Variants in DMRT1 observed in about 807,000 individuals in gnomAD.
The protein encoded by DMRT1 is doublesex and mab-3 related transcription factor 1, also known as doublesex- and mab-3-related transcription factor 1.
A neutral mutation model predicts 32.3 loss-of-function variants in DMRT1; 7 were observed. That is an observed-to-expected ratio of 0.22 (90% CI 0.12 to 0.41). DMRT1 has a LOEUF of 0.41. DMRT1 is among the 10% of genes least tolerant of loss of function. The pLI, the probability that DMRT1 is intolerant of heterozygous loss-of-function variation, is 1.00. For synonymous variants in DMRT1, 278 were observed against 206.1 expected, an observed-to-expected ratio of 1.35 and a Z score of -2.99; for missense variants, 625 against 500.5, an observed-to-expected ratio of 1.25 and a Z score of -2.37.
intron 4 of DMRT1, among the ~76,000 whole-genome samples, chr9:954,096 C>A (rs1342906341): frequency 6.6e-6 from 1 of 151,980 alleles, no homozygotes; most frequent in Non-Finnish European, 1.5e-5. Context: ...AGGCAGGGGA[C>A]CTTAGAGGTC....
intron 2 of DMRT1, among the ~76,000 whole-genome samples, chr9:869,953 T>G (rs1807422703): frequency 2.6e-5 from 4 of 152,194 alleles, no homozygotes; most frequent in African/African-American, 9.6e-5. Context: ...CCCCTGCGCG[T>G]GTATATGGTA....
chr9:896,102 C>T (rs535624226), intron 3 of DMRT1, among the ~76,000 whole-genome samples: 7 of 151,780 alleles, frequency 4.6e-5, no homozygotes, highest in South Asian at 2.1e-4. Flanking sequence ...CACTCCCAGC[C>T]GTAATTGAAA....
intron 3 of DMRT1, among the ~76,000 whole-genome samples, chr9:908,835 CT>C (rs1817872918): frequency 6.6e-6 from 1 of 152,106 alleles, no homozygotes; most frequent in Admixed American, 6.5e-5. Context: ...CCGTTTTCCC[CT>C]CCCACCTCTC....
At chr9:846,144 G>C (rs1468443461) in intron 1 of DMRT1, among the ~76,000 whole-genome samples, 2 of 150,546 alleles carry the variant, frequency 1.3e-5, no homozygotes, top group African/African-American at 4.9e-5. Context: ...CAATTCCCCT[G>C]CCTCAGCCTC....
At chr9:843,493 CAGGT>C (rs1163631187) in intron 1 of DMRT1, among the ~76,000 whole-genome samples, 1 of 152,178 alleles carries the variant, frequency 6.6e-6, no homozygotes. Context: ...AGAATATGCG[CAGGT>C]GGAAAAAAGC....
At chr9:941,673 A>G (rs912577210) in intron 4 of DMRT1, among the ~76,000 whole-genome samples, 1 of 152,194 alleles carries the variant, frequency 6.6e-6, no homozygotes, top group African/African-American at 2.4e-5. Context: ...TACACTTAAA[A>G]AATGGTTAGG....
chr9:904,492 A>G (rs1282407961), intron 3 of DMRT1, among the ~76,000 whole-genome samples: 1 of 152,220 alleles, frequency 6.6e-6, no homozygotes, highest in African/African-American at 2.4e-5. Flanking sequence ...AAAAAAGACT[A>G]GAGTTGCCAA....
intron 3 of DMRT1, among the ~76,000 whole-genome samples, chr9:896,888 G>T (rs117206059): frequency 0.031 from 4,731 of 152,048 alleles, 207 homozygotes; most frequent in East Asian, 0.14. Context: ...GACCCATTCT[G>T]TTCCATTTTG....
chr9:951,691 G>A (rs1457823594), intron 4 of DMRT1, among the ~76,000 whole-genome samples: 1 of 152,184 alleles, frequency 6.6e-6, no homozygotes, highest in African/African-American at 2.4e-5. Flanking sequence ...AACTGTTCTG[G>A]AGCAGATTGA....
chr9:862,782 G>T (rs1815777197), intron 2 of DMRT1, among the ~76,000 whole-genome samples: 1 of 152,270 alleles, frequency 6.6e-6, no homozygotes, highest in East Asian at 1.9e-4. Flanking sequence ...GGCTGCTACA[G>T]CGCAGCCAGC....
At chr9:885,589 A>C (rs1018609625) in intron 2 of DMRT1, among the ~76,000 whole-genome samples, 1 of 152,134 alleles carries the variant, frequency 6.6e-6, no homozygotes, top group Non-Finnish European at 1.5e-5. Context: ...TTCTTCCACC[A>C]ATCTACTCGT....
intron 2 of DMRT1, among the ~76,000 whole-genome samples, chr9:887,555 GCAGTCCAGC>G (rs1453184183): frequency 6.6e-6 from 1 of 152,174 alleles, no homozygotes; most frequent in African/African-American, 2.4e-5. Context: ...TGTGAACTCT[GCAGTCCAGC>G]CAGGCTCATC....
chr9:895,272 T>C (rs1290743729), intron 3 of DMRT1, among the ~76,000 whole-genome samples: 3 of 152,208 alleles, frequency 2.0e-5, no homozygotes, highest in Non-Finnish European at 4.4e-5. Context: ...TAGCAGCAGA[T>C]TGAAGGCATC....
intron 2 of DMRT1, among the ~76,000 whole-genome samples, chr9:887,468 T>A (rs1230508379): frequency 6.6e-6 from 1 of 152,346 alleles, no homozygotes. Flanking sequence ...GGAGAACTTG[T>A]TGGCCTGGCA....
intron 2 of DMRT1, among the ~76,000 whole-genome samples, chr9:861,921 C>T (rs185043697): frequency 0.15 from 20,077 of 135,292 alleles, 2,202 homozygotes; most frequent in East Asian, 0.38. Flanking sequence ...GGGGCAGAGG[C>T]GCTCCCAACA....
chr9:902,574 T>C (rs888780227), intron 3 of DMRT1, among the ~76,000 whole-genome samples: 6 of 150,998 alleles, frequency 4.0e-5, no homozygotes, highest in East Asian at 2.0e-4. Context: ...CTGCAACCTC[T>C]GCCTCCCGGG....
chr9:909,549 C>G (rs1289779388), intron 3 of DMRT1, among the ~76,000 whole-genome samples: 2 of 152,012 alleles, frequency 1.3e-5, no homozygotes, highest in African/African-American at 4.8e-5. Context: ...AAAGTCAACC[C>G]CAGCCTTCAC....
chr9:862,063 G>A (rs1360858707), intron 2 of DMRT1, among the ~76,000 whole-genome samples: 12 of 150,566 alleles, frequency 8.0e-5, no homozygotes, highest in African/African-American at 2.4e-4. Context: ...GACGATGGGC[G>A]GCCAGGCAGA....
intron 4 of DMRT1, among the ~76,000 whole-genome samples, chr9:953,127 C>T (rs1165888004): frequency 6.6e-6 from 1 of 152,122 alleles, no homozygotes; most frequent in African/African-American, 2.4e-5. Flanking sequence ...TTGTTGGATG[C>T]AGAATTTTAT....
Sources: allele counts gnomAD v4.1 joint callset (sites outside exome capture counted in the v4.1 genomes callset), GRCh38; gene constraint gnomAD v4.1.1; transcripts MANE v1.5; gene names NCBI Gene and HGNC (gene_info 2026-07-23, HGNC 2026-07-21).